The following ZSCAN5A variants were observed in gnomAD, a reference collection of about 807,000 sequenced individuals.
ZSCAN5A encodes the protein zinc finger and SCAN domain-containing protein 5A.
A neutral mutation model predicts 23.7 loss-of-function variants in ZSCAN5A; 12 were observed. The observed-to-expected ratio is 0.51, with a 90% CI of 0.32 to 0.82. ZSCAN5A has a LOEUF of 0.82. Ranked by LOEUF, ZSCAN5A falls within the 40% of genes least tolerant of loss-of-function variation. The pLI, the probability that ZSCAN5A is intolerant of heterozygous loss-of-function variation, is 0.03. For missense variants in ZSCAN5A, 597 were observed against 617.9 expected, an observed-to-expected ratio of 0.97 and a Z score of 0.36; for synonymous variants, 257 against 239.9, an observed-to-expected ratio of 1.07 and a Z score of -0.66.
chr19:56,229,056 C>G (rs2034237212), intron 2 of ZSCAN5A, among the ~76,000 whole-genome samples: 1 of 152,126 alleles, frequency 6.6e-6, no homozygotes, highest in Non-Finnish European at 1.5e-5. Context: ...GCACGAAAAG[C>G]CTTAACGGTG....
chr19:56,322,007 T>G lies in ZSCAN5A; in HGVS notation c.-357-5739A>C, dbSNP rs567081802. On this transcript the variant is annotated intron_variant, in intron 2 of 6. Coordinates refer to the ZSCAN5A transcript ENST00000587340. ...TCTGCTGCTGGTCCCTGGTAAGTAA[T>G]CATCTCTTTCTACAAGGCTGTTTTT... 4.6e-4 allele frequency: 356 copies of G among 778,702 alleles called. 5 individuals are homozygous for G. The highest frequency in any genetic ancestry group is 2.0e-3 in the South Asian group (146 of 74,586). 48.2% of individuals were successfully genotyped at this position (778,702 alleles called of 1,614,324 possible). A position where few individuals can be genotyped will look rare whatever the true frequency, so the allele number is the denominator to read the frequency against.
intron 2 of ZSCAN5A, among the ~76,000 whole-genome samples, chr19:56,271,713 C>T (rs1485887785): frequency 2.6e-5 from 4 of 152,202 alleles, no homozygotes; most frequent in Non-Finnish European, 5.9e-5. Flanking sequence ...CATCCCTCCA[C>T]ACCTGGAACT....
At chr19:56,237,841 C>T (rs904773138) in intron 2 of ZSCAN5A, among the ~76,000 whole-genome samples, 17 of 151,470 alleles carry the variant, frequency 1.1e-4, no homozygotes, top group African/African-American at 4.1e-4. Flanking sequence ...CATTTGAGCC[C>T]GGGAGGTGGA....
At chr19:56,346,852 C>T (rs909275432) in intron 2 of ZSCAN5A, among the ~76,000 whole-genome samples, 7 of 152,234 alleles carry the variant, frequency 4.6e-5, no homozygotes, top group Non-Finnish European at 8.8e-5. Context: ...CTCGGCCTCC[C>T]GAGTAGCTGG....
At chr19:56,322,891 T>TC (rs1226708270) in intron 2 of ZSCAN5A, among the ~76,000 whole-genome samples, 1 of 147,070 alleles carries the variant, frequency 6.8e-6, no homozygotes, top group Non-Finnish European at 1.5e-5. Context: ...TTTATTGGTT[T>TC]CTTTTTTTTT....
intron 2 of ZSCAN5A, chr19:56,310,105 T>C (rs1427841365): frequency 6.6e-6 from 1 of 152,260 alleles, no homozygotes; most frequent in Non-Finnish European, 1.5e-5. Flanking sequence ...CACAAATACA[T>C]TTCTCTCTCC....
chr19:56,285,520 G>A (rs1168794145), intron 2 of ZSCAN5A, among the ~76,000 whole-genome samples: 1 of 152,028 alleles, frequency 6.6e-6, no homozygotes, highest in African/African-American at 2.4e-5. Context: ...ATGAGCCTCT[G>A]GTTCATGTAC....
intron 2 of ZSCAN5A, among the ~76,000 whole-genome samples, chr19:56,325,677 A>C (rs987415644): frequency 2.0e-5 from 3 of 151,880 alleles, no homozygotes; most frequent in African/African-American, 7.3e-5. Flanking sequence ...TAGCGTTTGA[A>C]GGGGTTAAGG....
chr19:56,288,764 T>C (rs2039311847), intron 2 of ZSCAN5A, among the ~76,000 whole-genome samples: 1 of 152,210 alleles, frequency 6.6e-6, no homozygotes. Context: ...CTCCTCTGAC[T>C]GGTCAGGGAT....
intron 2 of ZSCAN5A, among the ~76,000 whole-genome samples, chr19:56,281,941 G>T (rs1384606686): frequency 6.6e-6 from 1 of 152,192 alleles, no homozygotes; most frequent in Non-Finnish European, 1.5e-5. Flanking sequence ...CTAAAACTGG[G>T]TGTGCTGTCA....
At chr19:56,265,064 G>A (rs534496867) in intron 2 of ZSCAN5A, among the ~76,000 whole-genome samples, 1 of 152,244 alleles carries the variant, frequency 6.6e-6, no homozygotes, top group African/African-American at 2.4e-5. Context: ...GGAGGTTGCA[G>A]TGAGCTGAGA....
chr19:56,247,754 C>T (rs140540920), intron 2 of ZSCAN5A, among the ~76,000 whole-genome samples: 3,836 of 151,740 alleles, frequency 0.025, 165 homozygotes, highest in African/African-American at 0.089. Context: ...TGCAGTGGTG[C>T]GATCTCGGCT....
At chr19:56,343,101 C>T in intron 2 of ZSCAN5A, 1 of 764,940 alleles carries the variant, frequency 1.3e-6, no homozygotes, top group Non-Finnish European at 2.4e-6. Flanking sequence ...CCTTCGGGTC[C>T]TATCCAATGA....
chr19:56,279,045 A>T (rs1037978746), intron 2 of ZSCAN5A, among the ~76,000 whole-genome samples: 6 of 152,078 alleles, frequency 3.9e-5, no homozygotes, highest in Non-Finnish European at 7.4e-5. Context: ...ATTCTAATCA[A>T]ATGCCAAACC....
At chr19:56,243,503 C>T (rs182727527) in intron 2 of ZSCAN5A, among the ~76,000 whole-genome samples, 227 of 152,264 alleles carry the variant, frequency 1.5e-3, no homozygotes, top group Non-Finnish European at 2.4e-3. Context: ...TGGGGGACAA[C>T]TGTAGGTTGT....
intron 2 of ZSCAN5A, among the ~76,000 whole-genome samples, chr19:56,307,714 C>G (rs1281182789): frequency 6.6e-6 from 1 of 152,114 alleles, no homozygotes; most frequent in Non-Finnish European, 1.5e-5. Flanking sequence ...CAATTTTTTC[C>G]CCAAGGTCTG....
Position 56,284,378 on chromosome 19 carries a change from G to A in ZSCAN5A, c.-128+28905C>T, listed in dbSNP as rs147769438. Among the ~76,000 whole-genome samples the A allele has an allele frequency of 1.2e-3, 184 of 152,226 alleles. 1 individual carries two copies. Among genetic ancestry groups the A allele is most frequent in the African/African-American group, 4.1e-3 (172 of 41,540 alleles). Reference sequence around the variant, plus strand: ...GCAAGAATTTCTGAGTATCTAGTCTGTGCCTGGACTCATGCTTGGGTGATG... The same window carrying A: ...GCAAGAATTTCTGAGTATCTAGTCTATGCCTGGACTCATGCTTGGGTGATG... On this transcript the variant is annotated intron_variant, in intron 2 of 5. Coordinates refer to ENST00000683990, the MANE Select transcript of ZSCAN5A (RefSeq NM_001322064.3).
chr19:56,229,487 G>A (rs2146467232), intron 2 of ZSCAN5A, among the ~76,000 whole-genome samples: 1 of 152,236 alleles, frequency 6.6e-6, no homozygotes, highest in South Asian at 2.1e-4. Flanking sequence ...TTACCACTGA[G>A]GTGTTGACTC....
chr19:56,338,300 C>A (rs956998875), intron 2 of ZSCAN5A: 3 of 152,140 alleles, frequency 2.0e-5, no homozygotes, highest in Non-Finnish European at 4.4e-5. Flanking sequence ...TTTATGGTTT[C>A]TCAGCTTCTT....
Sources: gnomAD v4.1 joint callset for allele counts (sites outside exome capture counted in the v4.1 genomes callset) on GRCh38, gnomAD v4.1.1 for gene constraint, MANE v1.5 for transcripts, NCBI Gene and HGNC (gene_info 2026-07-23, HGNC 2026-07-21) for gene names.